Variants in HARBI1 observed in about 807,000 individuals in gnomAD.
The protein encoded by HARBI1 is putative nuclease HARBI1.
Under a neutral mutation model 25.3 loss-of-function variants are expected in HARBI1, and 15 were observed. The ratio of observed to expected loss-of-function variants is 0.59; its 90% CI spans 0.40 to 0.91. The LOEUF (loss-of-function observed/expected upper bound fraction) is 0.91, where lower values mean the gene tolerates loss of function less well. Among genes scored for constraint, HARBI1 ranks in the 40% least tolerant of loss-of-function variants. The pLI is 0.00. For missense variants in HARBI1, 396 were observed against 445.8 expected (o/e 0.89, Z 1.01); for synonymous variants, 168 against 160.5 (o/e 1.05, Z -0.35).
intron 2 of HARBI1, 91 bp downstream of exon 2, chr11:46,615,477 A>G (rs1014198060): frequency 4.9e-5 from 51 of 1,040,916 alleles, no homozygotes; most frequent in Middle Eastern, 2.1e-4. Flanking sequence ...TCAGCCTCCC[A>G]AAGTGCTGGG....
At chr11:46,608,974 A>G (rs1452715900) in intron 2 of HARBI1, among the ~76,000 whole-genome samples, 2 of 148,222 alleles carry the variant, frequency 1.3e-5, no homozygotes, top group African/African-American at 5.0e-5. Flanking sequence ...CCCAGGCTAG[A>G]GTGCAATGGC....
In HARBI1 at chr11:46,603,454, G is replaced by A; in HGVS notation, c.*76C>T. The stretch of plus-strand genomic sequence containing the variant: ...TGTATACTCAGTCATGCTAGATGAT[G>A]GAACTGTGTAAAAGGTGATGAGGAG... On this transcript the variant is annotated 3_prime_UTR_variant, in exon 3 of 3. Coordinates refer to ENST00000326737, the MANE Select transcript of HARBI1 (RefSeq NM_173811.4). 2.4e-6 allele frequency: 3 copies of A among 1,247,002 alleles called. No individual in the cohort carries two copies. The highest frequency in any genetic ancestry group is 2.3e-6 in the Non-Finnish European group (2 of 888,190). The allele number at this position is 1,247,002 out of a possible 1,614,324, so 77.2% of individuals were successfully genotyped here. A position where few individuals can be genotyped will look rare whatever the true frequency, so the allele number is the denominator to read the frequency against.
rs749880873 is a variant in HARBI1, at chr11:46,614,128, A to AAT, written c.670+1438_670+1439dup. Among the ~76,000 whole-genome samples, 240 of 148,580 alleles carry AAT rather than the reference A, an allele frequency of 1.6e-3. 1 individual carries two copies. Among genetic ancestry groups the AAT allele is most frequent in the Middle Eastern group, 6.9e-3 (2 of 288 alleles). ...TGAAATAACATAAAATACATTTATT[A>AAT]ATATATATATATATATAGGCTGGGC... On this transcript the variant is annotated intron_variant, in intron 2 of 2. Coordinates refer to ENST00000326737, the MANE Select transcript of HARBI1 (RefSeq NM_173811.4).
chr11:46,606,043 G>A (rs1440805110), intron 2 of HARBI1, among the ~76,000 whole-genome samples: 2 of 150,570 alleles, frequency 1.3e-5, no homozygotes, highest in African/African-American at 2.5e-5. Context: ...CTGCCACCAC[G>A]CCCAGCTAAT....
At position 46,603,598 on chromosome 11, in the gene HARBI1, G is replaced by A. The variant is rs140123366; in HGVS notation, c.982C>T (p.His328Tyr). The change falls in exon 3 of 3, where the codon CAC (histidine) becomes TAC (tyrosine). Residue 328 changes from histidine to tyrosine, a missense_variant. Coordinates refer to ENST00000326737, the MANE Select transcript of HARBI1 (RefSeq NM_173811.4). ...MEQPPEEEYE[H>Y]MESLDLEADR... is the part of the protein sequence containing the mutation. Reference sequence around the variant, plus strand: ...GCCTCTAAGTCCAGGGACTCCATGTGCTCATACTCCTCTTCCGGGGGCTGT... The same window carrying A: ...GCCTCTAAGTCCAGGGACTCCATGTACTCATACTCCTCTTCCGGGGGCTGT... 29 of 1,613,948 alleles carry A rather than the reference G, an allele frequency of 1.8e-5. No individual in the cohort carries two copies. Among genetic ancestry groups the A allele is most frequent in the Non-Finnish European group, 2.5e-5 (29 of 1,179,952 alleles).
At chr11:46,616,478 T>C (rs1446960109) in intron 1 of HARBI1, 97 bp from the exon 2 acceptor site, 7 of 1,343,600 alleles carry the variant, frequency 5.2e-6, no homozygotes, top group Non-Finnish European at 6.7e-6. Context: ...TTCCATTTTG[T>C]TGAGGCAAAA....
rs142775370 is a variant in HARBI1, at chr11:46,609,610, C to T, written c.671-5701G>A. Among the ~76,000 whole-genome samples, 8 of 66,512 alleles carry T rather than the reference C, an allele frequency of 1.2e-4. No individual in the cohort carries two copies. In the South Asian group the frequency reaches 1.5e-3, roughly 13 times the overall value. 43.6% of individuals were successfully genotyped at this position (66,512 alleles called of 152,430 possible). A position where few individuals can be genotyped will look rare whatever the true frequency, so the allele number is the denominator to read the frequency against. ...ATCCACAGACGTGAGCCACCACGCC[C>T]GGCCTGAGGAAATCAGTTTCCACAT... On this transcript the variant is annotated intron_variant, in intron 2 of 2. Transcript: ENST00000326737.
intron 2 of HARBI1, among the ~76,000 whole-genome samples, chr11:46,605,441 C>A (rs779710238): frequency 6.6e-6 from 1 of 151,826 alleles, no homozygotes; most frequent in Non-Finnish European, 1.5e-5. Flanking sequence ...CGTGCCCAAA[C>A]AATCCACCCA....
chr11:46,606,668 A>G (rs1057146705), intron 2 of HARBI1, among the ~76,000 whole-genome samples: 2 of 151,986 alleles, frequency 1.3e-5, no homozygotes, highest in African/African-American at 4.8e-5. Context: ...TTTGAGACAG[A>G]GTCTCACTCT....
chr11:46,614,096 A>G (rs2045288850), intron 2 of HARBI1, among the ~76,000 whole-genome samples: 1 of 151,794 alleles, frequency 6.6e-6, no homozygotes, highest in African/African-American at 2.4e-5. Context: ...GGAGTAGAAG[A>G]GCTGGGTGAA....
Position 46,611,092 on chromosome 11 carries a change from C to G in HARBI1, c.670+4476G>C, listed in dbSNP as rs895051343. Among the ~76,000 whole-genome samples the G allele has an allele frequency of 2.7e-5, 4 of 148,658 alleles. No homozygotes were observed. In the East Asian group the frequency reaches 8.1e-4, roughly 30 times the overall value. Reference sequence around the variant, plus strand: ...GCGTGATCTCGGCTCACTGCAAACTCCACCTCCCGGGTTCACGCCATTCTC... The same window carrying G: ...GCGTGATCTCGGCTCACTGCAAACTGCACCTCCCGGGTTCACGCCATTCTC... On this transcript the variant is annotated intron_variant, in intron 2 of 2. Coordinates refer to ENST00000326737, the MANE Select transcript of HARBI1 (RefSeq NM_173811.4).
intron 2 of HARBI1, among the ~76,000 whole-genome samples, chr11:46,613,920 C>T (rs1262069324): frequency 6.6e-6 from 1 of 152,046 alleles, no homozygotes. Flanking sequence ...ACCCTCTCAC[C>T]TTGACTTCCC....
intron 2 of HARBI1, among the ~76,000 whole-genome samples, chr11:46,611,168 T>C (rs1303899914): frequency 6.6e-6 from 1 of 151,800 alleles, no homozygotes; most frequent in Non-Finnish European, 1.5e-5. Flanking sequence ...CCACCACGCC[T>C]GGCTTATGTT....
At chr11:46,610,550 C>T (rs1464324606) in intron 2 of HARBI1, among the ~76,000 whole-genome samples, 1 of 151,916 alleles carries the variant, frequency 6.6e-6, no homozygotes, top group African/African-American at 2.4e-5. Flanking sequence ...GTCCCAGCTA[C>T]TCCGGAGGCT....
upstream of HARBI1, chr11:46,617,538 T>TCCCCCC (rs1418857951): frequency 9.8e-6 from 2 of 204,600 alleles, no homozygotes; most frequent in African/African-American, 5.0e-5. Flanking sequence ...TAGCCCTCTT[T>TCCCCCC]CACCCCCCCC....
rs1310136284 is a variant in HARBI1, at chr11:46,615,764, T to G, written c.474A>C (p.Pro158=). The G allele has an allele frequency of 1.9e-6, 3 of 1,614,218 alleles. No homozygotes were observed. The highest frequency in any genetic ancestry group is 2.5e-6 in the Non-Finnish European group (3 of 1,180,044). The change falls in exon 2 of 3, where the codon CCA becomes CCC. Residue 158 remains proline (P), a synonymous_variant. Coordinates refer to ENST00000326737, the MANE Select transcript of HARBI1 (RefSeq NM_173811.4). ...TCACATAGGAGAGGTCTTCAGCATT[T>G]GGTGCCTTGATGGCCACATGGATAC... ...VDCIHVAIKA[P]NAEDLSYVNR...
Position 46,615,789 on chromosome 11 carries a change from C to T in HARBI1, c.449G>A (p.Cys150Tyr), listed in dbSNP as rs745384168. The stretch of plus-strand genomic sequence containing the variant: ...TGGTGCCTTGATGGCCACATGGATA[C>T]AGTCAACCACCCCCATCACCCCTGG... ...GMPGVMGVVDCIHVAIKAPNA... is the reference protein window; with the variant it reads ...GMPGVMGVVDYIHVAIKAPNA... The change falls in exon 2 of 3, where the codon TGT (cysteine) becomes TAT (tyrosine). Residue 150 changes from cysteine to tyrosine, a missense_variant. Coordinates refer to ENST00000326737, the MANE Select transcript of HARBI1 (RefSeq NM_173811.4). The T allele has an allele frequency of 1.9e-6, 3 of 1,614,068 alleles. No individual in the cohort carries two copies. Among genetic ancestry groups the T allele is most frequent in the Non-Finnish European group, 2.5e-6 (3 of 1,180,044 alleles).
chr11:46,605,881 CCA>C (rs1224140201), intron 2 of HARBI1, among the ~76,000 whole-genome samples: 3 of 151,428 alleles, frequency 2.0e-5, no homozygotes, highest in Non-Finnish European at 4.4e-5. Flanking sequence ...GCCACCGCAC[CCA>C]GTTTTTTGTT....
chr11:46,611,746 G>A (rs1202780051), intron 2 of HARBI1, among the ~76,000 whole-genome samples: 5 of 150,848 alleles, frequency 3.3e-5, no homozygotes, highest in Non-Finnish European at 7.4e-5. Context: ...CCAAAGTGAA[G>A]AGATTCATAA....
Sources: allele counts gnomAD v4.1 joint callset (sites outside exome capture counted in the v4.1 genomes callset), GRCh38; gene constraint gnomAD v4.1.1; transcripts MANE v1.5; gene names NCBI Gene and HGNC (gene_info 2026-07-23, HGNC 2026-07-21).